Variants in DPY19L1 observed in about 807,000 individuals in gnomAD.
The protein encoded by DPY19L1 is dpy-19 like C-mannosyltransferase 1.
In DPY19L1, 35 loss-of-function variants were observed where a neutral mutation model predicts 96.9. That is an observed-to-expected ratio of 0.36 (90% CI 0.28 to 0.48). The LOEUF (loss-of-function observed/expected upper bound fraction) is 0.48, where lower values mean the gene tolerates loss of function less well. DPY19L1 is among the 20% of genes least tolerant of loss of function. The pLI, the probability that DPY19L1 is intolerant of heterozygous loss-of-function variation, is 0.99. For missense variants in DPY19L1, 521 were observed against 777.9 expected, an observed-to-expected ratio of 0.67 and a Z score of 3.93; for synonymous variants, 205 against 252.6, an observed-to-expected ratio of 0.81 and a Z score of 1.79.
chr7:34,945,535 G>A (rs1189742455), intron 16 of DPY19L1, 132 bp downstream of exon 16: 3 of 665,972 alleles, frequency 4.5e-6, no homozygotes, highest in Non-Finnish European at 7.7e-6. Context: ...GCCAGGAAGG[G>A]AAATGACCAC....
At chr7:34,940,057 G>T (rs1386773044) in intron 19 of DPY19L1, 96 bp downstream of exon 19, 1 of 1,094,920 alleles carries the variant, frequency 9.1e-7, no homozygotes, top group Non-Finnish European at 1.2e-6. Context: ...TGAGATCAGT[G>T]GAAGTAACTA....
chr7:34,939,145 T>A (rs1197184521), intron 20 of DPY19L1, 131 bp downstream of exon 20: 2 of 757,020 alleles, frequency 2.6e-6, no homozygotes, highest in Non-Finnish European at 4.1e-6. Context: ...TTCAGCTTTC[T>A]GCTCCCTGAC....
chr7:35,006,446 A>T (rs1211957364), intron 6 of DPY19L1, among the ~76,000 whole-genome samples: 1 of 152,180 alleles, frequency 6.6e-6, no homozygotes, highest in East Asian at 1.9e-4. Context: ...AGAAGAAACT[A>T]GGGGGAAAGT....
At chr7:34,952,241 C>G (rs1431304505) in intron 13 of DPY19L1, among the ~76,000 whole-genome samples, 1 of 151,734 alleles carries the variant, frequency 6.6e-6, no homozygotes, top group South Asian at 2.1e-4. Context: ...TGCATATACA[C>G]AAAAATTCCA....
chr7:34,995,348 A>T (rs1485084720), intron 6 of DPY19L1, among the ~76,000 whole-genome samples: 2 of 152,142 alleles, frequency 1.3e-5, no homozygotes, highest in Non-Finnish European at 2.9e-5. Context: ...CTTCTGCAAT[A>T]TGACTGTCAG....
intron 6 of DPY19L1, among the ~76,000 whole-genome samples, chr7:35,005,893 A>C (rs1356931831): frequency 6.6e-6 from 1 of 152,110 alleles, no homozygotes; most frequent in Non-Finnish European, 1.5e-5. Context: ...GATGGGAAGG[A>C]ACCAGGAAAG....
Position 34,970,039 on chromosome 7 carries a change from T to C in DPY19L1, c.915-507A>G, listed in dbSNP as rs543211232. On this transcript the variant is annotated intron_variant, in intron 8 of 21. Transcript: ENST00000638088. The stretch of plus-strand genomic sequence containing the variant: ...CAGAAAAGTTAAGTGGAGGAAAAGA[T>C]ATGGGGTCCATTCTGAAGCAACCTT... 3.9e-5 allele frequency among the ~76,000 whole-genome samples: 6 copies of C among 152,322 alleles called. No homozygotes were observed. In the South Asian group the frequency reaches 8.3e-4, roughly 21 times the overall value.
intron 1 of DPY19L1, among the ~76,000 whole-genome samples, chr7:35,022,769 C>A (rs1338935653): frequency 3.6e-5 from 5 of 137,780 alleles, no homozygotes; most frequent in African/African-American, 1.2e-4. Flanking sequence ...TATTTTGATA[C>A]ACACACACGC....
At chr7:35,009,895 T>C (rs1471690034) in intron 6 of DPY19L1, among the ~76,000 whole-genome samples, 3 of 152,210 alleles carry the variant, frequency 2.0e-5, no homozygotes, top group Admixed American at 6.5e-5. Context: ...TCCATAACAA[T>C]ATATGGAATA....
At chr7:34,939,440 T>C (rs1284058165) in intron 19 of DPY19L1, 65 bp from the exon 20 acceptor site, 1 of 1,379,532 alleles carries the variant, frequency 7.2e-7, no homozygotes, top group Non-Finnish European at 1.0e-6. Context: ...CTCCTTCAAG[T>C]GTAAATCAAT....
At chr7:34,955,785 G>A (rs1784366325) in intron 11 of DPY19L1, among the ~76,000 whole-genome samples, 1 of 152,098 alleles carries the variant, frequency 6.6e-6, no homozygotes, top group Non-Finnish European at 1.5e-5. Context: ...ATACTTCTCT[G>A]AAGTATTTTC....
At chr7:35,023,794 A>G (rs542760564) in intron 1 of DPY19L1, among the ~76,000 whole-genome samples, 1 of 148,586 alleles carries the variant, frequency 6.7e-6, no homozygotes, top group East Asian at 2.0e-4. Flanking sequence ...TCTTGTAACA[A>G]TATTTATATG....
intron 10 of DPY19L1, among the ~76,000 whole-genome samples, chr7:34,963,926 G>A (rs1784558309): frequency 6.6e-6 from 1 of 152,152 alleles, no homozygotes; most frequent in Non-Finnish European, 1.5e-5. Flanking sequence ...GGTTTCCAGG[G>A]ACTGGGAAGA....
At chr7:35,029,232 T>TA (rs1332238717) in intron 1 of DPY19L1, among the ~76,000 whole-genome samples, 1 of 152,244 alleles carries the variant, frequency 6.6e-6, no homozygotes, top group African/African-American at 2.4e-5. Flanking sequence ...TCTACATTAG[T>TA]AATTTTCATA....
At chr7:35,001,337 A>G (rs1021354992) in intron 6 of DPY19L1, among the ~76,000 whole-genome samples, 1 of 152,234 alleles carries the variant, frequency 6.6e-6, no homozygotes, top group African/African-American at 2.4e-5. Flanking sequence ...TATGGCAACC[A>G]TAAGCTAAGT....
chr7:35,019,820 A>T (rs1390949429), intron 1 of DPY19L1, among the ~76,000 whole-genome samples: 2 of 151,996 alleles, frequency 1.3e-5, no homozygotes, highest in East Asian at 1.9e-4. Context: ...GAAATTTTAA[A>T]TTTTTTTCTT....
chr7:35,017,512 A>AC (rs1785885009), intron 3 of DPY19L1, among the ~76,000 whole-genome samples: 1 of 131,538 alleles, frequency 7.6e-6, no homozygotes, highest in Non-Finnish European at 1.6e-5. Context: ...AAAAAAAAAA[A>AC]AAAAAAAAAA....
chr7:35,029,852 A>G (rs1786218550), intron 1 of DPY19L1, among the ~76,000 whole-genome samples: 1 of 152,196 alleles, frequency 6.6e-6, no homozygotes, highest in Non-Finnish European at 1.5e-5. Flanking sequence ...TAGACTTTAG[A>G]TCTGAAACCT....
intron 3 of DPY19L1, among the ~76,000 whole-genome samples, chr7:35,016,658 TAAC>T (rs1307202116): frequency 2.0e-5 from 3 of 152,204 alleles, no homozygotes; most frequent in African/African-American, 7.2e-5. Flanking sequence ...TGATCACTCT[TAAC>T]ATCACAGAAA....
Sources: gnomAD v4.1 joint callset for allele counts (sites outside exome capture counted in the v4.1 genomes callset) on GRCh38, gnomAD v4.1.1 for gene constraint, MANE v1.5 for transcripts, NCBI Gene and HGNC (gene_info 2026-07-23, HGNC 2026-07-21) for gene names.